Variants in TTLL5 observed in about 807,000 individuals in gnomAD.
TTLL5 encodes tubulin tyrosine ligase like 5, also known as tubulin polyglutamylase TTLL5.
Under a neutral mutation model 168.4 loss-of-function variants are expected in TTLL5, and 132 were observed. The ratio of observed to expected loss-of-function variants is 0.78; its 90% CI spans 0.68 to 0.91. The LOEUF is 0.91. TTLL5 is among the 40% of genes least tolerant of loss of function. The pLI is 0.00. For missense variants in TTLL5, 1,545 were observed against 1,581.5 expected (o/e 0.98, Z 0.39); for synonymous variants, 546 against 558.6 (o/e 0.98, Z 0.32).
At chr14:75,767,423 C>T (rs1248366866) in intron 20 of TTLL5, among the ~76,000 whole-genome samples, 1 of 152,148 alleles carries the variant, frequency 6.6e-6, no homozygotes, top group Non-Finnish European at 1.5e-5. Context: ...GGCAGAGTTA[C>T]TTAATTGCAG....
chr14:75,733,352 C>T (rs538453890), intron 13 of TTLL5, among the ~76,000 whole-genome samples: 5 of 152,260 alleles, frequency 3.3e-5, no homozygotes, highest in African/African-American at 4.8e-5. Flanking sequence ...CTGAAGCCAC[C>T]GTGGCCGTCA....
At chr14:75,819,344 C>T (rs1894698622) in intron 27 of TTLL5, among the ~76,000 whole-genome samples, 1 of 152,182 alleles carries the variant, frequency 6.6e-6, no homozygotes, top group African/African-American at 2.4e-5. Flanking sequence ...CCTAATTTCA[C>T]CCTTTGCCAT....
chr14:75,822,218 C>T (rs1031107539), intron 28 of TTLL5, among the ~76,000 whole-genome samples: 1 of 152,172 alleles, frequency 6.6e-6, no homozygotes, highest in African/African-American at 2.4e-5. Flanking sequence ...CTTGTTGTTC[C>T]TCCTTTAGTC....
chr14:75,795,133 C>G (rs1245837440), intron 27 of TTLL5, among the ~76,000 whole-genome samples: 4 of 152,106 alleles, frequency 2.6e-5, no homozygotes, highest in Non-Finnish European at 5.9e-5. Context: ...GTTCACTCTA[C>G]TGTTCTCCTG....
intron 31 of TTLL5, 149 bp downstream of exon 31, chr14:75,902,373 T>C (rs2032963286): frequency 2.4e-6 from 2 of 824,600 alleles, no homozygotes; most frequent in East Asian, 5.4e-5. Context: ...GCATTTTTGT[T>C]GCATTCTTCT....
rs770671815 is a variant in TTLL5, at chr14:75,663,010, A to C, written c.-95-45A>C. The C allele has an allele frequency of 3.6e-4, 267 of 741,334 alleles. 1 individual carries two copies. The highest frequency in any genetic ancestry group is 2.3e-4 in the Non-Finnish European group (95 of 409,912). 45.9% of individuals were successfully genotyped at this position (741,334 alleles called of 1,614,324 possible). A position where few individuals can be genotyped will look rare whatever the true frequency, so the allele number is the denominator to read the frequency against. On this transcript the variant is annotated intron_variant, in intron 1 of 31. Coordinates refer to ENST00000298832, the MANE Select transcript of TTLL5 (RefSeq NM_015072.5). ...CAATAACCAATAAATAGACAACTGC[A>C]TTGTGTTTCAGGTCAATTGATCCAA...
At chr14:75,907,710 G>T (rs1366803091) in intron 31 of TTLL5, among the ~76,000 whole-genome samples, 2 of 152,172 alleles carry the variant, frequency 1.3e-5, no homozygotes, top group Admixed American at 6.6e-5. Flanking sequence ...AAATTTACTG[G>T]AGAAACTGAA....
At chr14:75,679,023 G>A (rs777879558) in intron 3 of TTLL5, among the ~76,000 whole-genome samples, 4 of 152,050 alleles carry the variant, frequency 2.6e-5, no homozygotes, top group Non-Finnish European at 5.9e-5. Flanking sequence ...TTTATTAGCT[G>A]GATTCTCTGT....
intron 31 of TTLL5, among the ~76,000 whole-genome samples, chr14:75,930,879 A>G (rs1595291694): frequency 6.6e-6 from 1 of 152,192 alleles, no homozygotes; most frequent in African/African-American, 2.4e-5. Context: ...TATCATCCAT[A>G]TATTTAGAGT....
At chr14:75,792,147 T>C (rs1476378279) in intron 26 of TTLL5, among the ~76,000 whole-genome samples, 1 of 144,642 alleles carries the variant, frequency 6.9e-6, no homozygotes, top group Non-Finnish European at 1.5e-5. Flanking sequence ...GCTCTGATAT[T>C]ACAGTTGAAA....
At chr14:75,788,036 A>T (rs1184529054) in intron 26 of TTLL5, among the ~76,000 whole-genome samples, 2 of 152,208 alleles carry the variant, frequency 1.3e-5, no homozygotes, top group Admixed American at 1.3e-4. Context: ...CTGTAGTCCA[A>T]GCTCCCTAGG....
Position 75,707,637 on chromosome 14 carries a change from G to C in TTLL5, c.670G>C (p.Val224Leu), listed in dbSNP as rs17849666. ...TTTTTTTTTAGATTTCAAGTTTGAC[G>C]TGCGCCTCTATGTGCTCGTGACTTC... is the stretch of plus-strand genomic sequence containing the variant. ...PLLIDDFKFD[V>L]RLYVLVTSYD... Residue 224 changes from valine (V) to leucine (L), a missense_variant, in exon 9 of 32, where the codon GTG becomes CTG. Transcript: ENST00000298832. The C allele has an allele frequency of 6.2e-7, 1 of 1,608,908 alleles. No individual in the cohort carries two copies. The highest frequency in any genetic ancestry group is 1.7e-5 in the Admixed American group (1 of 59,662).
At chr14:75,841,665 C>T (rs1232342969) in intron 28 of TTLL5, among the ~76,000 whole-genome samples, 2 of 151,880 alleles carry the variant, frequency 1.3e-5, no homozygotes. Flanking sequence ...GGCTGTAAAT[C>T]GGGGGATTGG....
Position 75,695,685 on chromosome 14 carries a change from A to G in TTLL5, c.503-3503A>G, listed in dbSNP as rs554644961. On this transcript the variant is annotated intron_variant, in intron 6 of 31. Transcript: ENST00000298832. Reference sequence around the variant, plus strand: ...CACTTAGGGAAATAGAAAAGAACCTATGTTGAAATATTGGGGGTGGTTCCC... The same window carrying G: ...CACTTAGGGAAATAGAAAAGAACCTGTGTTGAAATATTGGGGGTGGTTCCC... Among the ~76,000 whole-genome samples the G allele has an allele frequency of 4.6e-5, 7 of 152,182 alleles. No homozygotes were observed. The South Asian group carries it at 1.0e-3, about 23-fold the overall frequency.
intron 17 of TTLL5, among the ~76,000 whole-genome samples, chr14:75,752,125 A>C (rs573999006): frequency 6.6e-6 from 1 of 152,264 alleles, no homozygotes; most frequent in Admixed American, 6.5e-5. Flanking sequence ...CAGCTTCTGT[A>C]CTGCGACCTG....
intron 26 of TTLL5, among the ~76,000 whole-genome samples, chr14:75,790,631 C>G (rs1160350568): frequency 1.3e-5 from 2 of 151,718 alleles, no homozygotes; most frequent in African/African-American, 4.8e-5. Context: ...TGTCCCCACA[C>G]CCAGCTAAGT....
intron 28 of TTLL5, among the ~76,000 whole-genome samples, chr14:75,837,608 C>G (rs1397262539): frequency 6.6e-6 from 1 of 151,984 alleles, no homozygotes; most frequent in Non-Finnish European, 1.5e-5. Context: ...ATTCTTCCCT[C>G]CCCCCAACGC....
chr14:75,906,914 T>C (rs1199478147), intron 31 of TTLL5, among the ~76,000 whole-genome samples: 1 of 152,192 alleles, frequency 6.6e-6, no homozygotes, highest in Non-Finnish European at 1.5e-5. Flanking sequence ...GAACTTTCTC[T>C]ACTATTACTA....
intron 29 of TTLL5, among the ~76,000 whole-genome samples, chr14:75,880,900 C>G (rs1010470231): frequency 2.0e-5 from 3 of 152,120 alleles, no homozygotes; most frequent in African/African-American, 7.2e-5. Flanking sequence ...GACCTTGCAT[C>G]TGTCTTTGTT....
Sources: allele counts gnomAD v4.1 joint callset (sites outside exome capture counted in the v4.1 genomes callset), GRCh38; gene constraint gnomAD v4.1.1; transcripts MANE v1.5; gene names NCBI Gene and HGNC (gene_info 2026-07-23, HGNC 2026-07-21).